The following RARB variants were observed in gnomAD, a reference collection of about 807,000 sequenced individuals.
The protein encoded by RARB is retinoic acid receptor beta.
A neutral mutation model predicts 51.9 loss-of-function variants in RARB; 17 were observed. The ratio of observed to expected loss-of-function variants is 0.33; its 90% CI spans 0.22 to 0.49. The LOEUF is 0.49. Among genes scored for constraint, RARB ranks in the 20% least tolerant of loss-of-function variants. The probability of loss-of-function intolerance (pLI) is 0.99; values close to 1 mark genes in which losing one functional copy is unlikely to be tolerated. For synonymous variants in RARB, 215 were observed against 195.4 expected (o/e 1.10, Z -0.84); for missense variants, 369 against 550.8 (o/e 0.67, Z 3.30).
intron 4 of RARB, among the ~76,000 whole-genome samples, chr3:25,155,253 G>A (rs1488854846): frequency 6.6e-6 from 1 of 151,988 alleles, no homozygotes; most frequent in Non-Finnish European, 1.5e-5. Context: ...TGCCATGAAA[G>A]TGATCACCCT....
intron 5 of RARB, among the ~76,000 whole-genome samples, chr3:25,335,480 T>C (rs1025793472): frequency 6.6e-6 from 1 of 152,234 alleles, no homozygotes; most frequent in African/African-American, 2.4e-5. Flanking sequence ...ATGTATTTTA[T>C]TGGCTTCTGT....
intron 2 of RARB, among the ~76,000 whole-genome samples, chr3:25,001,821 C>T (rs1180701829): frequency 6.6e-6 from 1 of 152,148 alleles, no homozygotes; most frequent in African/African-American, 2.4e-5. Context: ...TGAATCTTAT[C>T]ACTACTACGC....
At chr3:25,032,750 G>T (rs1697901650) in intron 2 of RARB, among the ~76,000 whole-genome samples, 1 of 152,118 alleles carries the variant, frequency 6.6e-6, no homozygotes, top group South Asian at 2.1e-4. Context: ...GTAATATGCT[G>T]GAATTGCAAC....
chr3:25,329,238 C>A (rs1224780262), intron 5 of RARB, among the ~76,000 whole-genome samples: 1 of 152,214 alleles, frequency 6.6e-6, no homozygotes, highest in Non-Finnish European at 1.5e-5. Flanking sequence ...AAGTGGGTCC[C>A]TGACCCCCGA....
intron 3 of RARB, among the ~76,000 whole-genome samples, chr3:25,119,542 G>A (rs1302074999): frequency 6.6e-6 from 1 of 151,994 alleles, no homozygotes; most frequent in Non-Finnish European, 1.5e-5. Flanking sequence ...TATGCACCCT[G>A]ACCCCCATCC....
At chr3:25,180,876 G>A (rs1700847092) in intron 5 of RARB, among the ~76,000 whole-genome samples, 2 of 152,156 alleles carry the variant, frequency 1.3e-5, no homozygotes, top group African/African-American at 2.4e-5. Context: ...TGGTCAGGTG[G>A]TACCATCAAT....
intron 2 of RARB, among the ~76,000 whole-genome samples, chr3:25,486,799 G>A (rs999211973): frequency 6.6e-6 from 1 of 152,288 alleles, no homozygotes; most frequent in Admixed American, 6.5e-5. Flanking sequence ...GACAATGGGA[G>A]AAGGGCTAAT....
chr3:25,322,210 G>A (rs1023978507), intron 5 of RARB, among the ~76,000 whole-genome samples: 3 of 147,180 alleles, frequency 2.0e-5, no homozygotes, highest in Non-Finnish European at 3.0e-5. Context: ...TTTAATAAAT[G>A]TTGGGGGGCG....
At chr3:25,511,084 C>A (rs6764501) in intron 3 of RARB, among the ~76,000 whole-genome samples, 2,463 of 152,248 alleles carry the variant, frequency 0.016, 70 homozygotes, top group African/African-American at 0.057. Flanking sequence ...TAAAACTTTA[C>A]AAACACAGTC....
chr3:25,545,206 A>ATCC (rs530863100), intron 3 of RARB, among the ~76,000 whole-genome samples: 2 of 152,026 alleles, frequency 1.3e-5, no homozygotes, highest in South Asian at 4.2e-4. Context: ...CAGCCCCACA[A>ATCC]AGCTGTGGGA....
intron 2 of RARB, among the ~76,000 whole-genome samples, chr3:24,953,104 G>T (rs1221174821): frequency 6.6e-6 from 1 of 152,132 alleles, no homozygotes; most frequent in Non-Finnish European, 1.5e-5. Flanking sequence ...GCTGGAGCTG[G>T]GGTTTGGGGG....
At chr3:25,512,194 A>T (rs1246215186) in intron 3 of RARB, among the ~76,000 whole-genome samples, 3 of 152,192 alleles carry the variant, frequency 2.0e-5, no homozygotes, top group South Asian at 4.1e-4. Context: ...ATCTGTTATG[A>T]TACTGAGCCA....
At chr3:25,092,507 A>G (rs1277476306) in intron 3 of RARB, among the ~76,000 whole-genome samples, 4 of 152,058 alleles carry the variant, frequency 2.6e-5, no homozygotes, top group Non-Finnish European at 5.9e-5. Flanking sequence ...TCCTAATACT[A>G]CCTTTCATGG....
chr3:24,917,384 AAG>A (rs1695128764), intron 2 of RARB, among the ~76,000 whole-genome samples: 1 of 152,254 alleles, frequency 6.6e-6, no homozygotes, highest in Admixed American at 6.5e-5. Context: ...CACAGGCTGT[AAG>A]AAAATATTTG....
chr3:24,862,666 G>T (rs1238247286), intron 2 of RARB, among the ~76,000 whole-genome samples: 1 of 152,066 alleles, frequency 6.6e-6, no homozygotes, highest in Non-Finnish European at 1.5e-5. Flanking sequence ...GCATATATAG[G>T]GTTTATATAT....
intron 3 of RARB, among the ~76,000 whole-genome samples, chr3:25,524,631 T>A: frequency 8.7e-6 from 1 of 115,040 alleles, no homozygotes; most frequent in South Asian, 3.1e-4. Flanking sequence ...CCTCCCTGCC[T>A]CCCTCCTTCC....
At chr3:25,293,597 T>TTAAAAAAAAAAAAAAAA (rs557784646) in intron 5 of RARB, among the ~76,000 whole-genome samples, 1 of 68,660 alleles carries the variant, frequency 1.5e-5, no homozygotes, top group African/African-American at 4.2e-5. Flanking sequence ...TTACTCCATT[T>TTAAAAAAAAAAAAAAAA]AAAAAAAAAA....
intron 5 of RARB, among the ~76,000 whole-genome samples, chr3:25,352,864 T>A (rs955267680): frequency 2.6e-5 from 4 of 152,226 alleles, no homozygotes; most frequent in African/African-American, 9.6e-5. Context: ...ATTCCAGATG[T>A]GACTCTGCAG....
chr3:24,957,568 G>A (rs992968658), intron 2 of RARB, among the ~76,000 whole-genome samples: 1 of 152,194 alleles, frequency 6.6e-6, no homozygotes, highest in South Asian at 2.1e-4. Flanking sequence ...GTAAAGCTAT[G>A]ATTATTTACA....
Sources: gnomAD v4.1 joint callset for allele counts (sites outside exome capture counted in the v4.1 genomes callset) on GRCh38, gnomAD v4.1.1 for gene constraint, MANE v1.5 for transcripts, NCBI Gene and HGNC (gene_info 2026-07-23, HGNC 2026-07-21) for gene names.